COL8A1: variants seen among roughly 807,000 people sequenced by gnomAD.
COL8A1 encodes the protein collagen alpha-1(VIII) chain.
COL8A1 carries 21 observed loss-of-function variants against 42.7 expected under a neutral mutation model. The observed-to-expected ratio is 0.49, with a 90% CI of 0.35 to 0.71. COL8A1 has a LOEUF of 0.71. Among genes scored for constraint, COL8A1 ranks in the 30% least tolerant of loss-of-function variants. COL8A1 has a pLI of 0.01. For missense variants in COL8A1, 788 were observed against 962.4 expected (o/e 0.82, Z 2.40); for synonymous variants, 367 against 369.1 (o/e 0.99, Z 0.06).
chr3:99,668,931 A>G (rs1240023084), intron 1 of COL8A1, among the ~76,000 whole-genome samples: 1 of 151,780 alleles, frequency 6.6e-6, no homozygotes, highest in Non-Finnish European at 1.5e-5. Flanking sequence ...GCATAAAACA[A>G]TACACATTTA....
At chr3:99,753,348 A>T (rs953072120) in intron 2 of COL8A1, among the ~76,000 whole-genome samples, 1 of 152,164 alleles carries the variant, frequency 6.6e-6, no homozygotes, top group Admixed American at 6.5e-5. Context: ...AGGCAAGTAA[A>T]CCCACACTTC....
At chr3:99,736,569 A>C (rs1284934677) in intron 1 of COL8A1, among the ~76,000 whole-genome samples, 1 of 151,820 alleles carries the variant, frequency 6.6e-6, no homozygotes, top group Non-Finnish European at 1.5e-5. Context: ...CCTGAGTTCT[A>C]GTTTGATTGC....
At chr3:99,767,997 G>A (rs1469307633) in intron 2 of COL8A1, among the ~76,000 whole-genome samples, 1 of 152,152 alleles carries the variant, frequency 6.6e-6, no homozygotes, top group Admixed American at 6.5e-5. Context: ...ATGGAAGCTT[G>A]TCTGCATAAA....
rs1470146010 is a variant in COL8A1 at position 99,796,206 on chromosome 3, A to T, written c.*70A>T. On this transcript the variant is annotated 3_prime_UTR_variant, in exon 4 of 4. Transcript: ENST00000652472. ...AGAAAATGACACACCAAAAAATCCA[A>T]ATGAAAAACATAATTGCTTCAAAAC... The T allele has an allele frequency of 5.7e-6, 7 of 1,235,632 alleles. No individual in the cohort carries two copies. Among genetic ancestry groups the T allele is most frequent in the Non-Finnish European group, 7.6e-6 (7 of 926,482 alleles). 76.5% of individuals were successfully genotyped at this position (1,235,632 alleles called of 1,614,324 possible).
chr3:99,710,202 C>A (rs1263572552), intron 1 of COL8A1, among the ~76,000 whole-genome samples: 2 of 152,130 alleles, frequency 1.3e-5, no homozygotes, highest in East Asian at 3.9e-4. Flanking sequence ...CAGAGCAGAG[C>A]AGCAACACTG....
intron 2 of COL8A1, among the ~76,000 whole-genome samples, chr3:99,752,646 A>G (rs374297697): frequency 2.0e-3 from 310 of 151,938 alleles, no homozygotes; most frequent in African/African-American, 6.9e-3. Flanking sequence ...TCTCCTATCA[A>G]TTGAGATGAG....
intron 1 of COL8A1, among the ~76,000 whole-genome samples, chr3:99,651,157 A>G (rs1470430975): frequency 1.3e-5 from 2 of 152,190 alleles, no homozygotes; most frequent in Admixed American, 6.5e-5. Context: ...CACTATATAA[A>G]CAAAATGGGA....
Position 99,792,213 on chromosome 3 carries a change from A to G in COL8A1, c.328+1203A>G, listed in dbSNP as rs572795610. On this transcript the variant is annotated intron_variant, in intron 3 of 3. Coordinates refer to ENST00000652472, the MANE Select transcript of COL8A1 (RefSeq NM_020351.4). ...GAGCTAGTATTATACTTAGAAGATT[A>G]TCTCAGACATTTCTTTTCCTTCCTT... Among the ~76,000 whole-genome samples, 124 of 152,344 alleles carry G rather than the reference A, an allele frequency of 8.1e-4. 4 individuals are homozygous for G. The South Asian group carries it at 0.024, about 29-fold the overall frequency.
At chr3:99,723,563 A>G (rs979747547) in intron 1 of COL8A1, among the ~76,000 whole-genome samples, 2 of 152,084 alleles carry the variant, frequency 1.3e-5, no homozygotes, top group Admixed American at 1.3e-4. Flanking sequence ...TTCTTGTTTT[A>G]TTTTCTTTTT....
intron 1 of COL8A1, among the ~76,000 whole-genome samples, chr3:99,723,684 G>A (rs1940220860): frequency 6.6e-6 from 1 of 151,938 alleles, no homozygotes; most frequent in Non-Finnish European, 1.5e-5. Flanking sequence ...AAATCTCTTA[G>A]AAAAACCTAA....
intron 1 of COL8A1, among the ~76,000 whole-genome samples, chr3:99,722,187 A>T (rs1335258777): frequency 2.6e-5 from 4 of 152,144 alleles, no homozygotes; most frequent in African/African-American, 9.6e-5. Context: ...CAAAAGGCTC[A>T]TTTTGTTACC....
rs569899306 is a variant in COL8A1, at chr3:99,739,901, C to A, written c.-128-4996C>A. 3.9e-5 allele frequency among the ~76,000 whole-genome samples: 6 copies of A among 152,250 alleles called. No individual in the cohort carries two copies. In the Middle Eastern group the frequency reaches 0.01, roughly 259 times the overall value. ...AGAAAATTTGTTTTTTCTTTTCTAT[C>A]GCATCATCAAGCTGCAAATTTTCCA... On this transcript the variant is annotated intron_variant, in intron 1 of 3. Transcript: ENST00000652472.
chr3:99,782,733 T>C (rs1941818524), intron 2 of COL8A1, among the ~76,000 whole-genome samples: 1 of 152,110 alleles, frequency 6.6e-6, no homozygotes, highest in Admixed American at 6.5e-5. Flanking sequence ...GTTCTTCACA[T>C]TCACAATTAC....
intron 2 of COL8A1, among the ~76,000 whole-genome samples, chr3:99,747,680 T>C (rs1379201660): frequency 6.6e-6 from 1 of 152,224 alleles, no homozygotes; most frequent in Non-Finnish European, 1.5e-5. Context: ...ACTGTAATTC[T>C]GAGTATATAA....
chr3:99,712,288 T>C (rs1055408832), intron 1 of COL8A1, among the ~76,000 whole-genome samples: 2 of 152,146 alleles, frequency 1.3e-5, no homozygotes, highest in Non-Finnish European at 2.9e-5. Context: ...TCTAAGAAGA[T>C]GGCATTTTTG....
intron 1 of COL8A1, among the ~76,000 whole-genome samples, chr3:99,676,950 G>T (rs983570529): frequency 1.3e-5 from 2 of 151,752 alleles, no homozygotes; most frequent in Non-Finnish European, 2.9e-5. Context: ...GGGTGCAGTG[G>T]CTTACACCTG....
chr3:99,708,140 C>T (rs568884885), intron 1 of COL8A1, among the ~76,000 whole-genome samples: 19 of 152,154 alleles, frequency 1.2e-4, no homozygotes, highest in African/African-American at 4.3e-4. Flanking sequence ...GCATGATTTC[C>T]CCTCCATTTG....
At chr3:99,787,785 C>T (rs1941922735) in intron 2 of COL8A1, among the ~76,000 whole-genome samples, 1 of 152,118 alleles carries the variant, frequency 6.6e-6, no homozygotes, top group African/African-American at 2.4e-5. Flanking sequence ...TGACACCCAT[C>T]ACTAAGCCAG....
chr3:99,722,662 C>T (rs1940189220), intron 1 of COL8A1, among the ~76,000 whole-genome samples: 1 of 152,018 alleles, frequency 6.6e-6, no homozygotes, highest in African/African-American at 2.4e-5. Flanking sequence ...TAAAACCTAA[C>T]TTTTTTGTCC....
Sources: gnomAD v4.1 joint callset for allele counts (sites outside exome capture counted in the v4.1 genomes callset) on GRCh38, gnomAD v4.1.1 for gene constraint, MANE v1.5 for transcripts, NCBI Gene and HGNC (gene_info 2026-07-23, HGNC 2026-07-21) for gene names.